Variants in NUP153 observed in about 807,000 individuals in gnomAD.
NUP153 encodes nucleoporin 153.
A neutral mutation model predicts 134.6 loss-of-function variants in NUP153; 27 were observed. The observed-to-expected ratio is 0.20, with a 90% CI of 0.15 to 0.28. The LOEUF (loss-of-function observed/expected upper bound fraction) is 0.28, where lower values mean the gene tolerates loss of function less well. Ranked by LOEUF, NUP153 falls within the 10% of genes least tolerant of loss-of-function variation. The probability of loss-of-function intolerance (pLI) is 1.00; values close to 1 mark genes in which losing one functional copy is unlikely to be tolerated. For synonymous variants in NUP153, 640 were observed against 623.5 expected (o/e 1.03, Z -0.40); for missense variants, 1,821 against 1,731.3 (o/e 1.05, Z -0.92).
chr6:17,644,707 C>T (rs770009924), intron 14 of NUP153, among the ~76,000 whole-genome samples: 37 of 152,152 alleles, frequency 2.4e-4, no homozygotes, highest in Non-Finnish European at 2.9e-5. Context: ...CTTTGGGAGG[C>T]CAAGGTGGGC....
In NUP153 at chr6:17,632,862, A is replaced by AAAAAAC; in HGVS notation, c.2465-19_2465-18insGTTTTT. On this transcript the variant is annotated intron_variant, in intron 16 of 21. Coordinates refer to ENST00000262077, the MANE Select transcript of NUP153 (RefSeq NM_005124.4). ...TGAACTTCCTAAAAAAAAAAAAAAA[A>AAAAAAC]ACGGGGAGTGGGGGGAGATTTCATG... The AAAAAAC allele has an allele frequency of 6.6e-7, 1 of 1,512,822 alleles. No individual in the cohort carries two copies. The highest frequency in any genetic ancestry group is 8.8e-7 in the Non-Finnish European group (1 of 1,131,718). The allele number at this position is 1,512,822 out of a possible 1,614,324, so 93.7% of individuals were successfully genotyped here.
intron 20 of NUP153, among the ~76,000 whole-genome samples, chr6:17,619,225 C>T (rs181483450): frequency 6.6e-6 from 1 of 152,244 alleles, no homozygotes; most frequent in African/African-American, 2.4e-5. Context: ...AAATGATTTC[C>T]AATCTACATC....
In NUP153 at chr6:17,616,520, C is replaced by T; in HGVS notation, c.4343+7G>A. 1 of 1,597,562 alleles carries T rather than the reference C, an allele frequency of 6.3e-7. No individual in the cohort carries two copies. Among genetic ancestry groups the T allele is most frequent in the Non-Finnish European group, 8.5e-7 (1 of 1,172,804 alleles). On this transcript the variant is annotated splice_region_variant and intron_variant, in intron 21 of 21. Coordinates refer to ENST00000262077, the MANE Select transcript of NUP153 (RefSeq NM_005124.4). ...AACTTCTCCATTTCAATAAAAAATT[C>T]TCTTACCCCACTGTAAATGCTGCTG...
chr6:17,629,651 C>T (rs550057560), intron 17 of NUP153, 112 bp from the exon 18 acceptor site: 419 of 879,814 alleles, frequency 4.8e-4, no homozygotes, highest in Non-Finnish European at 6.6e-4. Flanking sequence ...AAAGGGCCTA[C>T]TTTGAAGAGT....
At chr6:17,643,633 GA>G (rs1446426547) in intron 14 of NUP153, among the ~76,000 whole-genome samples, 2 of 152,172 alleles carry the variant, frequency 1.3e-5, no homozygotes, top group Non-Finnish European at 2.9e-5. Context: ...AAAAAGAGGG[GA>G]AAAGGAGACA....
At chr6:17,682,932 A>AAG (rs1269249302) in intron 2 of NUP153, among the ~76,000 whole-genome samples, 4 of 151,556 alleles carry the variant, frequency 2.6e-5, no homozygotes, top group Non-Finnish European at 2.9e-5. Flanking sequence ...GAAGAAAAAA[A>AAG]AAAAAAAAAA....
At position 17,637,721 on chromosome 6, in the gene NUP153, T is replaced by A. The variant is rs139301277; in HGVS notation, c.1896A>T (p.Thr632=). 1.7e-5 allele frequency: 28 copies of A among 1,607,024 alleles called. No individual in the cohort carries two copies. The African/African-American group carries it at 3.5e-4, about 20-fold the overall frequency. The stretch of plus-strand genomic sequence containing the variant: ...CTGGTCTTGTATAAACTACTGGGCT[T>A]GTTGCGGTGGGCTGAGCAGCAACAG... The part of the protein sequence containing the change: ...IDSVAAQPTA[T]SPVVYTRPAI... Residue 632 remains threonine, a synonymous_variant, in exon 16 of 22, where the codon ACA becomes ACT. Transcript: ENST00000262077.
At chr6:17,652,592 T>C (rs1766565040) in intron 11 of NUP153, among the ~76,000 whole-genome samples, 1 of 152,092 alleles carries the variant, frequency 6.6e-6, no homozygotes, top group South Asian at 2.1e-4. Flanking sequence ...CTTCATAAAA[T>C]TTAGAACATC....
chr6:17,674,314 T>C (rs1047007186), intron 5 of NUP153, among the ~76,000 whole-genome samples: 4 of 152,200 alleles, frequency 2.6e-5, no homozygotes, highest in African/African-American at 9.7e-5. Context: ...AATTGTAGTA[T>C]GTGTAATTTA....
In NUP153 at chr6:17,705,588, G is replaced by C. The variant is rs531633929; in HGVS notation, c.111+689C>G. The stretch of plus-strand genomic sequence containing the variant: ...ATAAAGGCGGGGGTGGCGGTGTTGG[G>C]GGGGGGGAGGGGAGTCGCGCAGCAG... On this transcript the variant is annotated intron_variant, in intron 1 of 21. Coordinates refer to ENST00000262077, the MANE Select transcript of NUP153 (RefSeq NM_005124.4). Among the ~76,000 whole-genome samples, 7 of 150,464 alleles carry C rather than the reference G, an allele frequency of 4.7e-5. No individual in the cohort carries two copies. In the South Asian group the frequency reaches 8.5e-4, roughly 18 times the overall value.
At chr6:17,652,312 A>G (rs1252054364) in intron 11 of NUP153, among the ~76,000 whole-genome samples, 1 of 152,192 alleles carries the variant, frequency 6.6e-6, no homozygotes, top group African/African-American at 2.4e-5. Flanking sequence ...TACATTTCAA[A>G]ACACTGAAGT....
At chr6:17,687,959 CA>C (rs1001598720) in intron 2 of NUP153, among the ~76,000 whole-genome samples, 13 of 147,534 alleles carry the variant, frequency 8.8e-5, no homozygotes, top group Middle Eastern at 3.5e-3. Context: ...TAAAAAATAC[CA>C]AAAAAAAAAT....
chr6:17,694,162 C>G (rs1239955092), intron 1 of NUP153, among the ~76,000 whole-genome samples: 20 of 152,160 alleles, frequency 1.3e-4, no homozygotes, highest in Admixed American at 1.3e-3. Context: ...TCCAAGAAGG[C>G]AGGAACTTGT....
At chr6:17,653,693 T>G (rs1766636958) in intron 11 of NUP153, among the ~76,000 whole-genome samples, 1 of 152,068 alleles carries the variant, frequency 6.6e-6, no homozygotes, top group Non-Finnish European at 1.5e-5. Flanking sequence ...AACCAGTACA[T>G]GGTGGAAAAA....
intron 2 of NUP153, among the ~76,000 whole-genome samples, chr6:17,683,934 C>G (rs1768763499): frequency 6.6e-6 from 1 of 152,108 alleles, no homozygotes; most frequent in African/African-American, 2.4e-5. Context: ...CATGGGAAGT[C>G]TTTGGGTCAT....
Position 17,669,521 on chromosome 6 carries a change from G to A in NUP153, c.878C>T (p.Ala293Val). The change falls in exon 6 of 22, where the codon GCT (alanine) becomes GTT (valine). Residue 293 changes from alanine to valine, a missense_variant. Coordinates refer to ENST00000262077, the MANE Select transcript of NUP153 (RefSeq NM_005124.4). Reference protein sequence around the residue: ...YQAPVRRQMKAKQLSAQSYGV... With the variant: ...YQAPVRRQMKVKQLSAQSYGV... Reference sequence around the variant, plus strand: ...GTAAGATTGTGCACTGAGTTGCTTAGCTTTCATTTGTCTTCTAACTGGTGC... The same window carrying A: ...GTAAGATTGTGCACTGAGTTGCTTAACTTTCATTTGTCTTCTAACTGGTGC... 6.2e-7 allele frequency: 1 copy of A among 1,613,544 alleles called. No homozygotes were observed. The highest frequency in any genetic ancestry group is 1.1e-5 in the South Asian group (1 of 91,070).
At chr6:17,653,254 A>C (rs550454849) in intron 11 of NUP153, among the ~76,000 whole-genome samples, 1 of 152,338 alleles carries the variant, frequency 6.6e-6, no homozygotes, top group African/African-American at 2.4e-5. Context: ...CTCCATCTCA[A>C]AAAAAGAACT....
chr6:17,645,343 T>G (rs952124137), intron 14 of NUP153, among the ~76,000 whole-genome samples: 36 of 152,044 alleles, frequency 2.4e-4, no homozygotes, highest in Non-Finnish European at 4.6e-4. Flanking sequence ...CAGCCAGCTG[T>G]AGTGTGGTAG....
chr6:17,629,708 G>A (rs753879633), intron 17 of NUP153, among the ~76,000 whole-genome samples, 169 bp from the exon 18 acceptor site: 38 of 152,146 alleles, frequency 2.5e-4, no homozygotes, highest in Non-Finnish European at 4.7e-4. Context: ...ATATTTAGTC[G>A]GTATGAGAAT....
Sources: gnomAD v4.1 joint callset for allele counts (sites outside exome capture counted in the v4.1 genomes callset) on GRCh38, gnomAD v4.1.1 for gene constraint, MANE v1.5 for transcripts, NCBI Gene and HGNC (gene_info 2026-07-23, HGNC 2026-07-21) for gene names.